CFDP1: variants seen among roughly 807,000 people sequenced by gnomAD.
The protein encoded by CFDP1 is heterochromatin-stabilizing protein CFDP1.
In CFDP1, 31 loss-of-function variants were observed where a neutral mutation model predicts 40.1. The ratio of observed to expected loss-of-function variants is 0.77; its 90% CI spans 0.58 to 1.04. The LOEUF is 1.04. Ranked by LOEUF, CFDP1 falls within the 50% of genes least tolerant of loss-of-function variation. The pLI is 0.00. For synonymous variants in CFDP1, 167 were observed against 120.0 expected (o/e 1.39, Z -2.56); for missense variants, 423 against 343.4 (o/e 1.23, Z -1.83).
chr16:75,427,013 C>T (rs2079349793), intron 1 of CFDP1, among the ~76,000 whole-genome samples: 1 of 150,264 alleles, frequency 6.7e-6, no homozygotes, highest in South Asian at 2.1e-4. Context: ...CAAGATTATG[C>T]CACTGTACTC....
At chr16:75,337,012 C>G (rs1273992776) in intron 5 of CFDP1, among the ~76,000 whole-genome samples, 1 of 152,128 alleles carries the variant, frequency 6.6e-6, no homozygotes, top group Non-Finnish European at 1.5e-5. Flanking sequence ...CTCTGAGTTG[C>G]AAATAGTTTT....
intron 5 of CFDP1, among the ~76,000 whole-genome samples, chr16:75,315,482 AG>A (rs1455131392): frequency 6.6e-6 from 1 of 151,972 alleles, no homozygotes; most frequent in Non-Finnish European, 1.5e-5. Context: ...TGTAACCTTA[AG>A]GTGGTAACTC....
chr16:75,304,874 C>G, intron 6 of CFDP1, 150 bp downstream of exon 6: 1 of 845,356 alleles, frequency 1.2e-6, no homozygotes. Context: ...CACACTGGAA[C>G]AGAGACTTAC....
At chr16:75,338,567 G>T (rs759886382) in intron 5 of CFDP1, among the ~76,000 whole-genome samples, 2 of 152,284 alleles carry the variant, frequency 1.3e-5, no homozygotes, top group East Asian at 3.9e-4. Flanking sequence ...TTCTACCTGC[G>T]TCTAGTGATG....
At chr16:75,393,537 C>T (rs1416573266) in intron 5 of CFDP1, among the ~76,000 whole-genome samples, 2 of 151,618 alleles carry the variant, frequency 1.3e-5, no homozygotes, top group African/African-American at 2.4e-5. Context: ...CGAGACCATC[C>T]TGGCTAACAA....
intron 5 of CFDP1, among the ~76,000 whole-genome samples, chr16:75,335,512 C>G (rs921620777): frequency 6.6e-6 from 1 of 151,296 alleles, no homozygotes; most frequent in African/African-American, 2.4e-5. Flanking sequence ...TCCCCTTCAA[C>G]TGATTTCCTA....
chr16:75,376,441 T>C (rs769652447), intron 5 of CFDP1, among the ~76,000 whole-genome samples: 1 of 152,126 alleles, frequency 6.6e-6, no homozygotes, highest in Non-Finnish European at 1.5e-5. Context: ...ACATGATAAG[T>C]CTCAAATACA....
At chr16:75,383,990 T>C (rs1003860794) in intron 5 of CFDP1, among the ~76,000 whole-genome samples, 2 of 152,204 alleles carry the variant, frequency 1.3e-5, no homozygotes, top group South Asian at 2.1e-4. Context: ...CCTTAATTTA[T>C]TCATTCCGTA....
intron 5 of CFDP1, among the ~76,000 whole-genome samples, chr16:75,382,638 G>A (rs2078861743): frequency 6.6e-6 from 1 of 152,208 alleles, no homozygotes; most frequent in South Asian, 2.1e-4. Flanking sequence ...CAGAAACATG[G>A]CTGAAAAGCA....
intron 4 of CFDP1, among the ~76,000 whole-genome samples, chr16:75,395,832 T>C (rs541622034): frequency 2.0e-5 from 3 of 152,116 alleles, no homozygotes; most frequent in Middle Eastern, 3.4e-3. Flanking sequence ...CTGAGAATTT[T>C]GTCTAATTTC....
intron 5 of CFDP1, among the ~76,000 whole-genome samples, chr16:75,332,282 T>C (rs1465424352): frequency 3.3e-5 from 5 of 151,996 alleles, no homozygotes; most frequent in African/African-American, 7.2e-5. Flanking sequence ...CTGGACAATA[T>C]GGTGAAACCC....
At position 75,350,798 on chromosome 16, in the gene CFDP1, T is replaced by C. The variant is rs187133349; in HGVS notation, c.650+44292A>G. Among the ~76,000 whole-genome samples, 15 of 151,950 alleles carry C rather than the reference T, an allele frequency of 9.9e-5. No homozygotes were observed. In the South Asian group the frequency reaches 1.9e-3, roughly 19 times the overall value. On this transcript the variant is annotated intron_variant, in intron 5 of 6. Transcript: ENST00000283882. ...CTCAAATGAAAAAAAGTAGAGAAAA[T>C]TGTATATGGTCTATTACCGTTAATC...
At chr16:75,430,207 G>T (rs147003372) in intron 1 of CFDP1, among the ~76,000 whole-genome samples, 2,350 of 151,296 alleles carry the variant, frequency 0.016, 60 homozygotes, top group African/African-American at 0.054. Context: ...GTCTCACTCT[G>T]TTGCCCAGGC....
chr16:75,367,233 G>A (rs945558998), intron 5 of CFDP1, among the ~76,000 whole-genome samples: 13 of 151,286 alleles, frequency 8.6e-5, no homozygotes, highest in Admixed American at 4.6e-4. Context: ...TGAATTTTAT[G>A]GTATGATAAA....
At chr16:75,342,773 G>A (rs1280775143) in intron 5 of CFDP1, among the ~76,000 whole-genome samples, 1 of 152,124 alleles carries the variant, frequency 6.6e-6, no homozygotes, top group South Asian at 2.1e-4. Context: ...CTCAACCTTG[G>A]GTCATTCTGC....
chr16:75,345,485 A>C (rs1243833898), intron 5 of CFDP1, among the ~76,000 whole-genome samples: 1 of 152,048 alleles, frequency 6.6e-6, no homozygotes, highest in Non-Finnish European at 1.5e-5. Flanking sequence ...AAAAAAACAA[A>C]ACATTATCTG....
At chr16:75,405,077 T>C (rs1321415304) in intron 4 of CFDP1, among the ~76,000 whole-genome samples, 1 of 152,162 alleles carries the variant, frequency 6.6e-6, no homozygotes, top group Non-Finnish European at 1.5e-5. Context: ...GTTCAGCAAT[T>C]TGACAATGTC....
Position 75,383,091 on chromosome 16 carries a change from A to G in CFDP1, c.650+11999T>C, listed in dbSNP as rs2078865158. Among the ~76,000 whole-genome samples, 3 of 152,228 alleles carry G rather than the reference A, an allele frequency of 2.0e-5. No homozygotes were observed. The South Asian group carries it at 6.2e-4, about 31-fold the overall frequency. Reference sequence around the variant, plus strand: ...TTGATTAGAATCTTCCATATCCTCAATGATGGGAAAATATTGGCCTAGCTT... The same window carrying G: ...TTGATTAGAATCTTCCATATCCTCAGTGATGGGAAAATATTGGCCTAGCTT... On this transcript the variant is annotated intron_variant, in intron 5 of 6. Transcript: ENST00000283882.
chr16:75,316,966 A>G (rs974299307), intron 5 of CFDP1, among the ~76,000 whole-genome samples: 4 of 152,148 alleles, frequency 2.6e-5, no homozygotes, highest in Non-Finnish European at 5.9e-5. Context: ...GGGCGACAAG[A>G]GTGAAAACTC....
Sources: gnomAD v4.1 joint callset for allele counts (sites outside exome capture counted in the v4.1 genomes callset) on GRCh38, gnomAD v4.1.1 for gene constraint, MANE v1.5 for transcripts, NCBI Gene and HGNC (gene_info 2026-07-23, HGNC 2026-07-21) for gene names.